ADAMTSL1: variants seen among roughly 807,000 people sequenced by gnomAD.
The protein encoded by ADAMTSL1 is ADAMTS-like protein 1.
A neutral mutation model predicts 201.8 loss-of-function variants in ADAMTSL1; 126 were observed. The ratio of observed to expected loss-of-function variants is 0.62; its 90% CI spans 0.54 to 0.72. The LOEUF (loss-of-function observed/expected upper bound fraction) is 0.72, where lower values mean the gene tolerates loss of function less well. Among genes scored for constraint, ADAMTSL1 ranks in the 30% least tolerant of loss-of-function variants. The probability of loss-of-function intolerance (pLI) is 0.00; values close to 1 mark genes in which losing one functional copy is unlikely to be tolerated. For synonymous variants in ADAMTSL1, 1,121 were observed against 903.4 expected (o/e 1.24, Z -4.32); for missense variants, 2,679 against 2,277.8 (o/e 1.18, Z -3.59).
intron 3 of ADAMTSL1, among the ~76,000 whole-genome samples, chr9:18,558,017 T>TA (rs869124723): frequency 9.9e-5 from 15 of 152,152 alleles, no homozygotes; most frequent in Admixed American, 2.0e-4. Context: ...GTTGCTTTTT[T>TA]AAAAAAATAT....
At chr9:18,842,730 G>A (rs1231375581) in intron 23 of ADAMTSL1, among the ~76,000 whole-genome samples, 4 of 152,164 alleles carry the variant, frequency 2.6e-5, no homozygotes, top group Non-Finnish European at 1.5e-5. Flanking sequence ...CATATTGGGT[G>A]CATATATATT....
At chr9:18,048,711 G>A (rs979239908) in intron 1 of ADAMTSL1, among the ~76,000 whole-genome samples, 3 of 152,178 alleles carry the variant, frequency 2.0e-5, no homozygotes, top group Admixed American at 1.3e-4. Context: ...GTCTATACCA[G>A]ACATCGTGAG....
rs756830444 is a variant in ADAMTSL1, at chr9:18,777,367, C to A, written c.3138C>A (p.Asp1046Glu). 5 of 1,602,952 alleles carry A rather than the reference C, an allele frequency of 3.1e-6. No homozygotes were observed. The highest frequency in any genetic ancestry group is 4.3e-6 in the Non-Finnish European group (5 of 1,175,404). ...TGCTGGCCTCGTGGGAGGCGCAGGA[C>A]TCTGCGGAAAGGAACACGACCTCGG... Reference protein sequence around the residue: ...GELLASWEAQDSAERNTTSEE... With the variant: ...GELLASWEAQESAERNTTSEE... Residue 1046 changes from aspartate to glutamate, a missense_variant, in exon 19 of 29, where the codon GAC (aspartate) becomes GAA (glutamate). By Grantham distance (45) the Asp-to-Glu change is conservative. Coordinates refer to ENST00000380548, the MANE Select transcript of ADAMTSL1 (RefSeq NM_001040272.6).
chr9:18,099,336 T>C (rs1396628358), intron 1 of ADAMTSL1, among the ~76,000 whole-genome samples: 3 of 44,296 alleles, frequency 6.8e-5, no homozygotes, highest in Admixed American at 4.1e-4. Flanking sequence ...AATATATATA[T>C]ATATATATAT....
intron 1 of ADAMTSL1, among the ~76,000 whole-genome samples, chr9:18,116,289 T>C (rs1825245975): frequency 6.6e-6 from 1 of 152,164 alleles, no homozygotes; most frequent in Non-Finnish European, 1.5e-5. Flanking sequence ...TCCAGTAGCT[T>C]CAAGAGATGG....
chr9:18,141,584 T>G (rs1826400457), intron 1 of ADAMTSL1, among the ~76,000 whole-genome samples: 1 of 152,190 alleles, frequency 6.6e-6, no homozygotes, highest in Non-Finnish European at 1.5e-5. Flanking sequence ...CACAGCCTGG[T>G]GGTGGCCAGC....
At chr9:18,131,176 A>C (rs1825935642) in intron 1 of ADAMTSL1, among the ~76,000 whole-genome samples, 1 of 152,190 alleles carries the variant, frequency 6.6e-6, no homozygotes, top group Non-Finnish European at 1.5e-5. Flanking sequence ...GTCATTGGCT[A>C]TCTTTGGGTC....
chr9:18,656,922 C>G (rs563599287), intron 7 of ADAMTSL1, among the ~76,000 whole-genome samples: 1 of 151,958 alleles, frequency 6.6e-6, no homozygotes, highest in African/African-American at 2.4e-5. Flanking sequence ...ACTTGTCTCA[C>G]ATACCCCCTT....
chr9:18,546,155 C>A (rs559379986), intron 3 of ADAMTSL1, among the ~76,000 whole-genome samples: 56 of 152,204 alleles, frequency 3.7e-4, no homozygotes, highest in African/African-American at 1.3e-3. Context: ...AAGAGGTTAT[C>A]TTTGAGGTTT....
intron 17 of ADAMTSL1, 77 bp from the exon 18 acceptor site, chr9:18,775,666 T>G: frequency 1.3e-6 from 2 of 1,528,686 alleles, no homozygotes; most frequent in Non-Finnish European, 1.8e-6. Flanking sequence ...CATATTTTGA[T>G]GAGTTTGACA....
At chr9:18,142,199 G>T (rs1826429345) in intron 1 of ADAMTSL1, among the ~76,000 whole-genome samples, 1 of 152,278 alleles carries the variant, frequency 6.6e-6, no homozygotes, top group East Asian at 1.9e-4. Flanking sequence ...TACAGAATGA[G>T]TCTGGAGAGA....
At chr9:18,474,778 C>T (rs112973328) in intron 1 of ADAMTSL1, among the ~76,000 whole-genome samples, 248 of 152,302 alleles carry the variant, frequency 1.6e-3, no homozygotes, top group African/African-American at 5.5e-3. Flanking sequence ...ATGAGAGCCT[C>T]TTTGCAGCCA....
intron 2 of ADAMTSL1, among the ~76,000 whole-genome samples, chr9:18,262,003 T>C (rs536580996): frequency 2.0e-5 from 3 of 152,308 alleles, no homozygotes; most frequent in Admixed American, 6.5e-5. Flanking sequence ...ACTTAAAACA[T>C]GCAATTACAA....
chr9:18,024,198 A>G (rs551712852), intron 1 of ADAMTSL1, among the ~76,000 whole-genome samples: 10 of 152,144 alleles, frequency 6.6e-5, no homozygotes, highest in Non-Finnish European at 1.2e-4. Flanking sequence ...ATGGTCATTA[A>G]AACAAAGTAA....
chr9:17,989,981 C>T (rs1284001160), intron 1 of ADAMTSL1, among the ~76,000 whole-genome samples: 2 of 147,488 alleles, frequency 1.4e-5, no homozygotes, highest in Non-Finnish European at 3.0e-5. Context: ...GATGTAAGAA[C>T]AAGAAGTTCC....
At chr9:18,078,856 G>A (rs970475804) in intron 1 of ADAMTSL1, among the ~76,000 whole-genome samples, 1 of 152,170 alleles carries the variant, frequency 6.6e-6, no homozygotes. Context: ...GCTGTCTTCA[G>A]TATGGCCCAT....
intron 2 of ADAMTSL1, among the ~76,000 whole-genome samples, chr9:18,228,354 G>T (rs1830507881): frequency 6.6e-6 from 1 of 152,102 alleles, no homozygotes; most frequent in South Asian, 2.1e-4. Context: ...GAGTCATTTT[G>T]GCCAAATCCT....
intron 1 of ADAMTSL1, among the ~76,000 whole-genome samples, chr9:18,021,210 A>G (rs933224376): frequency 1.3e-5 from 2 of 152,174 alleles, no homozygotes; most frequent in Non-Finnish European, 2.9e-5. Flanking sequence ...AAGTTTCTGA[A>G]GTCTGAAATA....
intron 15 of ADAMTSL1, among the ~76,000 whole-genome samples, chr9:18,741,137 T>C (rs1433807): frequency 3.9e-5 from 6 of 152,156 alleles, no homozygotes; most frequent in Admixed American, 2.0e-4. Context: ...AAATACTAAT[T>C]AAATGGATAA....
Sources: gnomAD v4.1 joint callset for allele counts (sites outside exome capture counted in the v4.1 genomes callset) on GRCh38, gnomAD v4.1.1 for gene constraint, MANE v1.5 for transcripts, NCBI Gene and HGNC (gene_info 2026-07-23, HGNC 2026-07-21) for gene names.